The following TBC1D5 variants were observed in gnomAD, a reference collection of about 807,000 sequenced individuals.
TBC1D5 encodes the protein TBC1 domain family member 5.
Under a neutral mutation model 100.3 loss-of-function variants are expected in TBC1D5, and 75 were observed. The ratio of observed to expected loss-of-function variants is 0.75; its 90% CI spans 0.62 to 0.91. TBC1D5 has a LOEUF of 0.91. Among genes scored for constraint, TBC1D5 ranks in the 40% least tolerant of loss-of-function variants. The pLI is 0.00. For missense variants in TBC1D5, 910 were observed against 942.4 expected, an observed-to-expected ratio of 0.97 and a Z score of 0.45; for synonymous variants, 323 against 325.6, an observed-to-expected ratio of 0.99 and a Z score of 0.09.
At chr3:17,714,246 C>T (rs2075030319) in intron 1 of TBC1D5, among the ~76,000 whole-genome samples, 1 of 152,158 alleles carries the variant, frequency 6.6e-6, no homozygotes, top group African/African-American at 2.4e-5. Flanking sequence ...TGAAAACATG[C>T]CAAGTAGAAC....
At chr3:17,588,268 A>G (rs545746871) in intron 2 of TBC1D5, among the ~76,000 whole-genome samples, 91 of 152,024 alleles carry the variant, frequency 6.0e-4, no homozygotes, top group African/African-American at 1.4e-3. Flanking sequence ...AAAAAAAAAA[A>G]AGAGAACACT....
At chr3:17,544,994 T>C (rs1047927840) in intron 2 of TBC1D5, among the ~76,000 whole-genome samples, 1 of 152,212 alleles carries the variant, frequency 6.6e-6, no homozygotes, top group South Asian at 2.1e-4. Context: ...TAATTGTATA[T>C]GTCATTAGCT....
chr3:17,556,181 G>GT (rs752175075), intron 2 of TBC1D5, among the ~76,000 whole-genome samples: 2 of 151,858 alleles, frequency 1.3e-5, no homozygotes, highest in Admixed American at 6.6e-5. Context: ...CACCTGGCTA[G>GT]TTTTTTTGTA....
At chr3:17,633,799 T>C (rs1294313283) in intron 1 of TBC1D5, among the ~76,000 whole-genome samples, 1 of 152,164 alleles carries the variant, frequency 6.6e-6, no homozygotes, top group Non-Finnish European at 1.5e-5. Context: ...GGAATTGATA[T>C]CAATCAACAA....
chr3:17,415,904 A>G (rs985615939), intron 4 of TBC1D5, among the ~76,000 whole-genome samples: 2 of 152,184 alleles, frequency 1.3e-5, no homozygotes, highest in Non-Finnish European at 2.9e-5. Flanking sequence ...CAAGGGCTTG[A>G]TATCTAACAT....
chr3:17,648,874 T>C (rs1391393812), intron 1 of TBC1D5, among the ~76,000 whole-genome samples: 1 of 152,202 alleles, frequency 6.6e-6, no homozygotes, highest in Non-Finnish European at 1.5e-5. Context: ...TATACACTGT[T>C]GGTGGGAATG....
chr3:17,370,306 C>G (rs1167341861), intron 13 of TBC1D5, among the ~76,000 whole-genome samples: 1 of 152,142 alleles, frequency 6.6e-6, no homozygotes, highest in Non-Finnish European at 1.5e-5. Context: ...ATATTTAAAA[C>G]CAATTTCTGG....
chr3:17,322,980 T>C (rs1057128284), intron 13 of TBC1D5, among the ~76,000 whole-genome samples: 9 of 152,218 alleles, frequency 5.9e-5, no homozygotes, highest in Non-Finnish European at 1.2e-4. Flanking sequence ...ACATTAGAAC[T>C]GCACTTTTAA....
intron 9 of TBC1D5, among the ~76,000 whole-genome samples, chr3:17,377,161 A>C (rs1416529289): frequency 6.6e-6 from 1 of 152,168 alleles, no homozygotes; most frequent in Non-Finnish European, 1.5e-5. Flanking sequence ...ACTTGTTAAA[A>C]TAGGATTTAA....
chr3:17,686,299 T>C (rs980104959), intron 1 of TBC1D5, among the ~76,000 whole-genome samples: 1 of 152,148 alleles, frequency 6.6e-6, no homozygotes, highest in African/African-American at 2.4e-5. Context: ...AAAGGTTTTA[T>C]CTACCCATAG....
At chr3:17,212,412 GAAT>G (rs145387571) in intron 18 of TBC1D5, among the ~76,000 whole-genome samples, 218 of 151,842 alleles carry the variant, frequency 1.4e-3, no homozygotes, top group African/African-American at 5.1e-3. Flanking sequence ...TATGTACAGT[GAAT>G]AATAATAATC....
At chr3:17,233,579 C>T (rs2075608486) in intron 17 of TBC1D5, 106 bp downstream of exon 18, 1 of 637,320 alleles carries the variant, frequency 1.6e-6, no homozygotes, top group South Asian at 2.2e-5. Flanking sequence ...GAATTGAAAA[C>T]AGTATGAATG....
At chr3:17,321,334 A>G (rs1411193934) in intron 13 of TBC1D5, among the ~76,000 whole-genome samples, 1 of 152,264 alleles carries the variant, frequency 6.6e-6, no homozygotes, top group Non-Finnish European at 1.5e-5. Flanking sequence ...GGTGTATGCC[A>G]CTAGGCTCAG....
intron 8 of TBC1D5, among the ~76,000 whole-genome samples, chr3:17,400,553 C>T (rs934606561): frequency 2.6e-5 from 4 of 151,998 alleles, no homozygotes; most frequent in African/African-American, 7.2e-5. Context: ...ATATGGAACC[C>T]TCCTGTGATG....
intron 2 of TBC1D5, among the ~76,000 whole-genome samples, chr3:17,541,362 A>G (rs906853099): frequency 6.6e-5 from 10 of 152,118 alleles, no homozygotes; most frequent in Non-Finnish European, 1.5e-4. Context: ...TTAAATTTAT[A>G]TGGTTTATTT....
chr3:17,184,116 G>C (rs1284889165), intron 19 of TBC1D5, among the ~76,000 whole-genome samples: 1 of 152,198 alleles, frequency 6.6e-6, no homozygotes, highest in Admixed American at 6.5e-5. Context: ...AAGCAGCATG[G>C]AGTTACTGAA....
Position 17,697,218 on chromosome 3 carries a change from C to A in TBC1D5, c.-101+42125G>T, listed in dbSNP as rs570995449. Among the ~76,000 whole-genome samples the A allele has an allele frequency of 5.3e-5, 8 of 152,188 alleles. No homozygotes were observed. In the South Asian group the frequency reaches 1.0e-3, roughly 20 times the overall value. On this transcript the variant is annotated intron_variant, in intron 1 of 21. Transcript: ENST00000253692. ...ACAAGACAAGGATGCCCTCTCTCACCACTCGTATTCAACATAGGGTTGGAA... is the reference window on the plus strand; with the variant it reads ...ACAAGACAAGGATGCCCTCTCTCACAACTCGTATTCAACATAGGGTTGGAA...
intron 17 of TBC1D5, among the ~76,000 whole-genome samples, chr3:17,232,181 T>C (rs2075480935): frequency 6.6e-6 from 1 of 152,152 alleles, no homozygotes; most frequent in Non-Finnish European, 1.5e-5. Context: ...TGGCTCTGGT[T>C]TGTAGGAAAA....
chr3:17,637,816 A>G (rs1400653176), intron 1 of TBC1D5, among the ~76,000 whole-genome samples: 1 of 152,240 alleles, frequency 6.6e-6, no homozygotes, highest in Non-Finnish European at 1.5e-5. Context: ...TAATTTAGAA[A>G]TATGATTTAA....
Sources: gnomAD v4.1 joint callset for allele counts (sites outside exome capture counted in the v4.1 genomes callset) on GRCh38, gnomAD v4.1.1 for gene constraint, MANE v1.5 for transcripts, NCBI Gene and HGNC (gene_info 2026-07-23, HGNC 2026-07-21) for gene names.